The following TNFAIP8 variants were observed in gnomAD, a reference collection of about 807,000 sequenced individuals.
The protein encoded by TNFAIP8 is TNF alpha induced protein 8.
TNFAIP8 carries 7 observed loss-of-function variants against 13.3 expected under a neutral mutation model. That is an observed-to-expected ratio of 0.52 (90% CI 0.30 to 0.99). The LOEUF (loss-of-function observed/expected upper bound fraction) is 0.99, where lower values mean the gene tolerates loss of function less well. Ranked by LOEUF, TNFAIP8 falls within the 50% of genes least tolerant of loss-of-function variation. The pLI, the probability that TNFAIP8 is intolerant of heterozygous loss-of-function variation, is 0.07. For synonymous variants in TNFAIP8, 94 were observed against 87.6 expected (o/e 1.07, Z -0.41); for missense variants, 258 against 236.9 (o/e 1.09, Z -0.58).
intron 1 of TNFAIP8, among the ~76,000 whole-genome samples, chr5:119,296,282 T>C (rs1176357073): frequency 2.0e-5 from 3 of 151,968 alleles, no homozygotes; most frequent in South Asian, 2.1e-4. Flanking sequence ...ATAGCTCTTA[T>C]TATTTGAGTT....
At chr5:119,289,152 A>G (rs1748907101) in intron 1 of TNFAIP8, among the ~76,000 whole-genome samples, 1 of 152,222 alleles carries the variant, frequency 6.6e-6, no homozygotes, top group Admixed American at 6.5e-5. Context: ...TGTATTTTAT[A>G]TCATGATCAC....
chr5:119,320,306 A>G (rs113375239), intron 1 of TNFAIP8, among the ~76,000 whole-genome samples: 1,749 of 152,272 alleles, frequency 0.011, 20 homozygotes, highest in Non-Finnish European at 0.02. Context: ...TCCTCCTGCA[A>G]TTATATTCTT....
intron 1 of TNFAIP8, among the ~76,000 whole-genome samples, chr5:119,292,685 T>TATATATAC (rs1470227218): frequency 1.5e-3 from 80 of 52,304 alleles, no homozygotes; most frequent in African/African-American, 3.9e-3. Context: ...TATATATATA[T>TATATATAC]ACACACACAC....
In TNFAIP8 at chr5:119,375,363, G is replaced by A. The variant is rs77669716; in HGVS notation, c.32-17453G>A. ...GTGGTGGACTTTCTTTTAGAGTAACGAGTGAGTAGGTGAAAAGACACAGCT... is the reference window on the plus strand; with the variant it reads ...GTGGTGGACTTTCTTTTAGAGTAACAAGTGAGTAGGTGAAAAGACACAGCT... On this transcript the variant is annotated intron_variant, in intron 1 of 1. Transcript: ENST00000504771. 4.7e-4 allele frequency among the ~76,000 whole-genome samples: 72 copies of A among 152,292 alleles called. 2 individuals are homozygous for A. In the East Asian group the frequency reaches 0.013, roughly 27 times the overall value.
intron 1 of TNFAIP8, among the ~76,000 whole-genome samples, chr5:119,281,985 G>A (rs552568167): frequency 1.8e-4 from 28 of 152,256 alleles, no homozygotes; most frequent in African/African-American, 6.0e-4. Flanking sequence ...TTCTTCTGAC[G>A]TAAACTATTG....
At chr5:119,391,872 A>AGC (rs1246135834) in intron 1 of TNFAIP8, among the ~76,000 whole-genome samples, 1 of 152,142 alleles carries the variant, frequency 6.6e-6, no homozygotes, top group Non-Finnish European at 1.5e-5. Flanking sequence ...TCACTTGACC[A>AGC]GCTCTAAGGT....
intron 1 of TNFAIP8, among the ~76,000 whole-genome samples, chr5:119,360,576 C>T (rs1418322556): frequency 6.6e-6 from 1 of 152,204 alleles, no homozygotes; most frequent in Non-Finnish European, 1.5e-5. Flanking sequence ...GCGACTTTGC[C>T]AATCCTTCTT....
intron 1 of TNFAIP8, among the ~76,000 whole-genome samples, chr5:119,349,991 C>T (rs1751057621): frequency 6.6e-6 from 1 of 152,206 alleles, no homozygotes; most frequent in Non-Finnish European, 1.5e-5. Context: ...AACATTATTA[C>T]TTAGTTTTGT....
chr5:119,349,421 C>T (rs1378144233), intron 1 of TNFAIP8, among the ~76,000 whole-genome samples: 1 of 152,168 alleles, frequency 6.6e-6, no homozygotes, highest in African/African-American at 2.4e-5. Context: ...AACAAAAGCA[C>T]AGAGAGGTTA....
intron 1 of TNFAIP8, among the ~76,000 whole-genome samples, chr5:119,291,290 C>G (rs191907130): frequency 2.0e-5 from 3 of 152,354 alleles, no homozygotes; most frequent in African/African-American, 7.2e-5. Context: ...TGCCCAATAA[C>G]TACCTGCTAG....
intron 1 of TNFAIP8, among the ~76,000 whole-genome samples, chr5:119,334,624 CGTGTGT>C (rs59714206): frequency 0.018 from 2,463 of 135,762 alleles, 85 homozygotes; most frequent in African/African-American, 0.064. Context: ...GTGATCCTTT[CGTGTGT>C]GTGTGTGTGT....
chr5:119,332,322 T>C (rs999887146), intron 1 of TNFAIP8, among the ~76,000 whole-genome samples: 4 of 152,184 alleles, frequency 2.6e-5, no homozygotes, highest in African/African-American at 9.7e-5. Flanking sequence ...TTCTGTGACA[T>C]TGATGATGTT....
intron 1 of TNFAIP8, among the ~76,000 whole-genome samples, chr5:119,391,716 G>A (rs563111583): frequency 2.7e-5 from 4 of 145,962 alleles, no homozygotes; most frequent in African/African-American, 5.1e-5. Flanking sequence ...CCAAGATCAC[G>A]CCATTGCACT....
chr5:119,381,056 A>G (rs1481091042), intron 1 of TNFAIP8, among the ~76,000 whole-genome samples: 1 of 152,206 alleles, frequency 6.6e-6, no homozygotes, highest in African/African-American at 2.4e-5. Flanking sequence ...TTTACTATAT[A>G]TCAGAATCAG....
intron 1 of TNFAIP8, among the ~76,000 whole-genome samples, chr5:119,278,349 G>GA (rs746259824): frequency 0.059 from 6,817 of 114,584 alleles, 373 homozygotes; most frequent in Non-Finnish European, 0.082. Context: ...AAGACAGGAA[G>GA]GGGGAGAGAG....
chr5:119,345,288 TAAAC>T (rs1307809852), intron 1 of TNFAIP8, among the ~76,000 whole-genome samples: 1 of 152,168 alleles, frequency 6.6e-6, no homozygotes, highest in Admixed American at 6.5e-5. Context: ...AAGTTTAAAA[TAAAC>T]AAGTATTAGC....
chr5:119,286,653 C>G (rs536938384), intron 1 of TNFAIP8, among the ~76,000 whole-genome samples: 87 of 150,482 alleles, frequency 5.8e-4, no homozygotes, highest in African/African-American at 2.0e-3. Flanking sequence ...CAAAGAGCAT[C>G]ATGGCAGAGC....
At position 119,395,506 on chromosome 5, in the gene TNFAIP8, A is replaced by G. The variant is rs1753052444; in HGVS notation, c.*2125A>G. 1 of 152,322 alleles carries G rather than the reference A, an allele frequency of 6.6e-6. No individual in the cohort carries two copies. Among genetic ancestry groups the G allele is most frequent in the African/African-American group, 2.4e-5 (1 of 41,458 alleles). 9.4% of individuals were successfully genotyped at this position (152,322 alleles called of 1,614,324 possible). ...ATCTGGATCTCTCTGGACACACTGG[A>G]TCATAGGGTTGTGCCAGCAGGCTAG... On this transcript the variant is annotated 3_prime_UTR_variant, in exon 2 of 2. Transcript: ENST00000504771.
intron 1 of TNFAIP8, among the ~76,000 whole-genome samples, chr5:119,328,244 C>T (rs1336296304): frequency 1.3e-5 from 2 of 152,186 alleles, no homozygotes; most frequent in African/African-American, 4.8e-5. Context: ...AACCCTTGCC[C>T]TTGTTTCCAA....
Sources: allele counts gnomAD v4.1 joint callset (sites outside exome capture counted in the v4.1 genomes callset), GRCh38; gene constraint gnomAD v4.1.1; transcripts MANE v1.5; gene names NCBI Gene and HGNC (gene_info 2026-07-23, HGNC 2026-07-21).